The following PDE8B variants were observed in gnomAD, a reference collection of about 807,000 sequenced individuals.
PDE8B encodes the protein phosphodiesterase 8B, also known as high affinity cAMP-specific and IBMX-insensitive 3',5'-cyclic phosphodiesterase 8B.
Under a neutral mutation model 101.3 loss-of-function variants are expected in PDE8B, and 26 were observed. The ratio of observed to expected loss-of-function variants is 0.26; its 90% CI spans 0.19 to 0.36. PDE8B has a LOEUF of 0.36. Among genes scored for constraint, PDE8B ranks in the 10% least tolerant of loss-of-function variants. The pLI is 1.00. For missense variants in PDE8B, 810 were observed against 1,163.1 expected (o/e 0.70, Z 4.42); for synonymous variants, 424 against 429.3 (o/e 0.99, Z 0.15).
At chr5:77,257,895 A>G (rs959523959) in intron 1 of PDE8B, among the ~76,000 whole-genome samples, 3 of 152,086 alleles carry the variant, frequency 2.0e-5, no homozygotes, top group Non-Finnish European at 4.4e-5. Context: ...CTGTTCGGCT[A>G]CATGCAACAC....
chr5:77,376,661 A>G (rs1269177636), intron 10 of PDE8B, among the ~76,000 whole-genome samples: 1 of 152,180 alleles, frequency 6.6e-6, no homozygotes, highest in Admixed American at 6.5e-5. Context: ...GTTCTAATGA[A>G]CAGCATTTTC....
chr5:77,267,175 C>T (rs1761891000), intron 1 of PDE8B, among the ~76,000 whole-genome samples: 2 of 152,122 alleles, frequency 1.3e-5, no homozygotes, highest in African/African-American at 4.8e-5. Flanking sequence ...CATGGTGGCT[C>T]ACGCCTGTAA....
chr5:77,225,012 T>A (rs1752018155), intron 1 of PDE8B, among the ~76,000 whole-genome samples: 1 of 152,170 alleles, frequency 6.6e-6, no homozygotes, highest in African/African-American at 2.4e-5. Flanking sequence ...TGGACCTCCA[T>A]CAGGAGGCAC....
intron 7 of PDE8B, among the ~76,000 whole-genome samples, chr5:77,348,318 C>T (rs1037801951): frequency 1.3e-5 from 2 of 152,216 alleles, no homozygotes; most frequent in African/African-American, 2.4e-5. Context: ...TTGTCTCTCT[C>T]CACTCAGCCC....
the PDE8B span, among the ~76,000 whole-genome samples, chr5:77,096,825 G>A: frequency 5.1e-4 from 78 of 152,220 alleles, no homozygotes; most frequent in South Asian, 2.1e-3. Context: ...TAAGGATACC[G>A]GTTATATTGG....
chr5:77,271,984 A>G (rs1372185690), intron 1 of PDE8B, among the ~76,000 whole-genome samples: 1 of 152,220 alleles, frequency 6.6e-6, no homozygotes, highest in Non-Finnish European at 1.5e-5. Flanking sequence ...GGAGCCCATT[A>G]GAAATGTCAA....
chr5:77,168,988 C>T, the PDE8B span, among the ~76,000 whole-genome samples: 13 of 152,286 alleles, frequency 8.5e-5, no homozygotes, highest in South Asian at 2.7e-3. Context: ...TAAGAGAGGC[C>T]TCAGGCCTTC....
chr5:77,251,289 TTTGTCTTTG>T (rs1381281882), intron 1 of PDE8B, among the ~76,000 whole-genome samples: 13 of 152,374 alleles, frequency 8.5e-5, no homozygotes, highest in Non-Finnish European at 1.5e-5. Context: ...TAGGATTTTC[TTTGTCTTTG>T]GTTCCCTGCA....
intron 1 of PDE8B, among the ~76,000 whole-genome samples, chr5:77,300,959 A>G (rs1481844863): frequency 6.6e-6 from 1 of 152,314 alleles, no homozygotes; most frequent in East Asian, 1.9e-4. Context: ...CTTACTTTTA[A>G]ATGGGATTCA....
intron 10 of PDE8B, among the ~76,000 whole-genome samples, chr5:77,361,572 T>C (rs1366910822): frequency 6.6e-6 from 1 of 151,542 alleles, no homozygotes; most frequent in Non-Finnish European, 1.5e-5. Flanking sequence ...TAGAGTGCAG[T>C]GGCGCGATCT....
chr5:77,404,203 G>A lies in PDE8B; in HGVS notation c.1211-517G>A, dbSNP rs12658665. Among the ~76,000 whole-genome samples, 227 of 152,230 alleles carry A rather than the reference G, an allele frequency of 1.5e-3. 7 individuals carry two copies. The East Asian group carries it at 0.038, about 26-fold the overall frequency. ...GGGTTTCACCATGTTGGTCAGGGTG[G>A]TCTCGAACTCCTGACTTCGTGATCT... On this transcript the variant is annotated intron_variant, in intron 11 of 21. Coordinates refer to ENST00000264917, the MANE Select transcript of PDE8B (RefSeq NM_003719.5).
the PDE8B span, chr5:77,140,286 G>A: frequency 6.6e-5 from 10 of 151,872 alleles, no homozygotes. Flanking sequence ...TTTTTTTCCT[G>A]ATTTGTTTTT....
rs977571468 is a variant in PDE8B, at chr5:77,289,682, C to T, written c.340-22312C>T. 3.3e-5 allele frequency among the ~76,000 whole-genome samples: 5 copies of T among 152,334 alleles called. No homozygotes were observed. In the South Asian group the frequency reaches 1.0e-3, roughly 32 times the overall value. On this transcript the variant is annotated intron_variant, in intron 1 of 21. Coordinates refer to ENST00000264917, the MANE Select transcript of PDE8B (RefSeq NM_003719.5). ...AATGAAAAGGTTGGACAAGATACCCCTTGGGAGCCTTACAATTCTCAAATT... is the reference window on the plus strand; with the variant it reads ...AATGAAAAGGTTGGACAAGATACCCTTTGGGAGCCTTACAATTCTCAAATT...
chr5:77,229,788 T>C (rs1753174331), intron 1 of PDE8B, among the ~76,000 whole-genome samples: 1 of 152,258 alleles, frequency 6.6e-6, no homozygotes, highest in Non-Finnish European at 1.5e-5. Flanking sequence ...CTCTTGACTG[T>C]CAAATAATAT....
At chr5:77,422,820 AAAG>A (rs1382149714) in intron 20 of PDE8B, among the ~76,000 whole-genome samples, 6 of 152,194 alleles carry the variant, frequency 3.9e-5, no homozygotes, top group African/African-American at 1.4e-4. Context: ...AGGGCAGGAT[AAAG>A]AATAGATGAT....
chr5:77,164,193 C>G, the PDE8B span, among the ~76,000 whole-genome samples: 1 of 152,172 alleles, frequency 6.6e-6, no homozygotes, highest in Non-Finnish European at 1.5e-5. Context: ...ATTTAAAAAC[C>G]AATTGGCATT....
chr5:77,101,030 C>T, the PDE8B span, among the ~76,000 whole-genome samples: 54 of 139,762 alleles, frequency 3.9e-4, no homozygotes, highest in South Asian at 0.012. Flanking sequence ...AGTGCCATGG[C>T]ATAATCATAG....
chr5:77,221,290 T>C (rs1485857642), intron 1 of PDE8B, among the ~76,000 whole-genome samples: 1 of 152,222 alleles, frequency 6.6e-6, no homozygotes, highest in Non-Finnish European at 1.5e-5. Context: ...CTTTTCTATA[T>C]ACTTGCAGTT....
intron 5 of PDE8B, among the ~76,000 whole-genome samples, chr5:77,336,640 G>T (rs1043196376): frequency 6.6e-6 from 1 of 152,110 alleles, no homozygotes; most frequent in Non-Finnish European, 1.5e-5. Context: ...TGGACATTTG[G>T]GCTGTTTCTG....
Sources: gnomAD v4.1 joint callset for allele counts (sites outside exome capture counted in the v4.1 genomes callset) on GRCh38, gnomAD v4.1.1 for gene constraint, MANE v1.5 for transcripts, NCBI Gene and HGNC (gene_info 2026-07-23, HGNC 2026-07-21) for gene names.